NLRP14: variants seen among roughly 807,000 people sequenced by gnomAD.
The protein encoded by NLRP14 is NACHT, LRR and PYD domains-containing protein 14.
A neutral mutation model predicts 94.7 loss-of-function variants in NLRP14; 105 were observed. That is an observed-to-expected ratio of 1.11 (90% CI 0.95 to 1.30). The LOEUF (loss-of-function observed/expected upper bound fraction) is 1.30, where lower values mean the gene tolerates loss of function less well. Ranked by LOEUF, NLRP14 falls within the 50% of genes most tolerant of loss-of-function variation. The pLI, the probability that NLRP14 is intolerant of heterozygous loss-of-function variation, is 0.00. For synonymous variants in NLRP14, 508 were observed against 459.9 expected (o/e 1.10, Z -1.34); for missense variants, 1,362 against 1,254.1 (o/e 1.09, Z -1.30).
the NLRP14 span, among the ~76,000 whole-genome samples, chr11:7,079,690 T>A: frequency 2.0e-5 from 3 of 152,068 alleles, no homozygotes; most frequent in Non-Finnish European, 4.4e-5. Context: ...AGACAAAGGG[T>A]CTCTCAGCAA....
chr11:7,053,057 A>G (rs1041608647), intron 6 of NLRP14, among the ~76,000 whole-genome samples: 5 of 152,220 alleles, frequency 3.3e-5, no homozygotes, highest in Admixed American at 6.5e-5. Context: ...GGCTGAGACC[A>G]TAACTTTTTG....
At chr11:7,089,796 C>T in the NLRP14 span, 13 of 1,601,500 alleles carry the variant, frequency 8.1e-6, no homozygotes, top group South Asian at 2.2e-5. Context: ...CCGAGACTAC[C>T]GCGAACCCCG....
chr11:7,031,935 A>G (rs1852104192), intron 1 of NLRP14, among the ~76,000 whole-genome samples: 1 of 152,168 alleles, frequency 6.6e-6, no homozygotes, highest in Admixed American at 6.5e-5. Flanking sequence ...TCTCTAGCCT[A>G]TAGTGCTTTA....
At chr11:7,052,591 G>A (rs1313427854) in intron 6 of NLRP14, among the ~76,000 whole-genome samples, 3 of 152,060 alleles carry the variant, frequency 2.0e-5, no homozygotes, top group African/African-American at 4.8e-5. Context: ...CCAAGATGGC[G>A]CCACTGCACT....
chr11:7,033,125 C>A (rs190164747), intron 1 of NLRP14, among the ~76,000 whole-genome samples: 2 of 152,246 alleles, frequency 1.3e-5, no homozygotes, highest in African/African-American at 4.8e-5. Context: ...TTTCATTGTA[C>A]GAATTTACCA....
Position 7,062,459 on chromosome 11 carries a change from G to A in NLRP14, c.2931G>A (p.Leu977=), listed in dbSNP as rs758421727. Residue 977 remains leucine, a synonymous_variant, in exon 10 of 12, where the codon CTG becomes CTA. Coordinates refer to ENST00000299481, the MANE Select transcript of NLRP14 (RefSeq NM_176822.4). The stretch of plus-strand genomic sequence containing the variant: ...TGCAGGATGATGGAGTGAAAATTCT[G>A]TGTGATGCTTTGAGATATCCAAACT... The part of the protein sequence containing the change: ...NDLQDDGVKI[L]CDALRYPNCN... The A allele has an allele frequency of 1.2e-6, 2 of 1,613,200 alleles. No individual in the cohort carries two copies. The highest frequency in any genetic ancestry group is 1.7e-5 in the Admixed American group (1 of 59,950).
intron 1 of NLRP14, among the ~76,000 whole-genome samples, chr11:7,035,686 T>C (rs971602506): frequency 6.6e-6 from 1 of 152,190 alleles, no homozygotes; most frequent in Non-Finnish European, 1.5e-5. Flanking sequence ...CTTACCTCCC[T>C]GAGACCTCCA....
At chr11:7,083,822 G>A in the NLRP14 span, among the ~76,000 whole-genome samples, 1 of 152,116 alleles carries the variant, frequency 6.6e-6, no homozygotes, top group Non-Finnish European at 1.5e-5. Context: ...CTTCTGTTGG[G>A]TACCAATGTG....
chr11:7,023,192 C>T (rs867801935), intron 1 of NLRP14, among the ~76,000 whole-genome samples: 1 of 150,212 alleles, frequency 6.7e-6, no homozygotes, highest in African/African-American at 2.4e-5. Flanking sequence ...GGAAAGAATA[C>T]GAATACCTGA....
At chr11:7,029,043 A>T (rs1852054423) in intron 1 of NLRP14, among the ~76,000 whole-genome samples, 1 of 152,206 alleles carries the variant, frequency 6.6e-6, no homozygotes, top group Admixed American at 6.5e-5. Context: ...CATGAAGAAA[A>T]AATGTAAAAG....
At chr11:7,065,751 G>A (rs1199506690) in intron 10 of NLRP14, among the ~76,000 whole-genome samples, 1 of 151,894 alleles carries the variant, frequency 6.6e-6, no homozygotes, top group Non-Finnish European at 1.5e-5. Context: ...GGATACATGT[G>A]CAGAATGTGC....
rs889070902 is a variant in NLRP14, at chr11:7,071,372, C to T, written c.*64C>T. ...AATACATACATACATAGATATATAC[C>T]CAGACTTGGGTGCTTAGCTTCAGAT... On this transcript the variant is annotated 3_prime_UTR_variant, in exon 12 of 12. Coordinates refer to ENST00000299481, the MANE Select transcript of NLRP14 (RefSeq NM_176822.4). 1.6e-5 allele frequency: 23 copies of T among 1,403,912 alleles called. No individual in the cohort carries two copies. Among genetic ancestry groups the T allele is most frequent in the South Asian group, 2.4e-5 (2 of 82,360 alleles). 87.0% of individuals were successfully genotyped at this position (1,403,912 alleles called of 1,614,324 possible). A position where few individuals can be genotyped will look rare whatever the true frequency, so the allele number is the denominator to read the frequency against.
intron 5 of NLRP14, 117 bp downstream of exon 5, chr11:7,046,949 T>A: frequency 1.2e-6 from 1 of 821,476 alleles, no homozygotes; most frequent in Non-Finnish European, 2.1e-6. Flanking sequence ...ATCCATTTTG[T>A]AAAATAAACA....
chr11:7,026,613 C>G (rs550169161), intron 1 of NLRP14, among the ~76,000 whole-genome samples: 6 of 152,026 alleles, frequency 3.9e-5, no homozygotes, highest in Non-Finnish European at 8.8e-5. Context: ...CCTCAGGGAT[C>G]TAGAACTAGA....
In NLRP14 at chr11:7,057,847, C is replaced by T. The variant is rs201841419; in HGVS notation, c.2462C>T (p.Ser821Phe). Residue 821 changes from serine (S) to phenylalanine (F), a missense_variant and splice_region_variant, in exon 7 of 12, where the codon TCC becomes TTC. By Grantham distance (155) the Ser-to-Phe change is radical (BLOSUM62 -2). Transcript: ENST00000299481. The part of the protein sequence containing the change: ...RHPKCYLERL[S>F]LESCGLTEAG... ...CCAAAGTGTTATCTAGAGAGACTGT[C>T]GTGAGTGTTTCTGTTTTGTTTTCTG... 634 of 1,610,452 alleles carry T rather than the reference C, an allele frequency of 3.9e-4. 7 individuals carry two copies. The South Asian group carries it at 6.3e-3, about 16-fold the overall frequency.
chr11:7,068,186 G>C (rs1852735338), intron 10 of NLRP14, among the ~76,000 whole-genome samples: 1 of 151,894 alleles, frequency 6.6e-6, no homozygotes, highest in African/African-American at 2.4e-5. Context: ...ACACAACATT[G>C]ATCCACTCTG....
intron 1 of NLRP14, among the ~76,000 whole-genome samples, chr11:7,034,333 C>T (rs922860114): frequency 6.6e-6 from 1 of 151,914 alleles, no homozygotes; most frequent in African/African-American, 2.4e-5. Flanking sequence ...TTTTGCATAC[C>T]CCATTATTTT....
Position 7,058,302 on chromosome 11 carries a change from G to C in NLRP14, c.2485G>C (p.Glu829Gln). The C allele has an allele frequency of 6.2e-7, 1 of 1,612,610 alleles. No homozygotes were observed. The highest frequency in any genetic ancestry group is 1.1e-5 in the South Asian group (1 of 91,052). Residue 829 changes from glutamate (E) to glutamine (Q), a missense_variant, in exon 8 of 12, where the codon GAG becomes CAG. Transcript: ENST00000299481. Reference sequence around the variant, plus strand: ...CAGCTTAGAAAGCTGTGGTCTCACAGAGGCTGGCTGTGAGTATCTTTCTTT... The same window carrying C: ...CAGCTTAGAAAGCTGTGGTCTCACACAGGCTGGCTGTGAGTATCTTTCTTT... ...RLSLESCGLT[E>Q]AGCEYLSLAL...
chr11:7,035,155 T>G lies in NLRP14; in HGVS notation c.-21-3411T>G, dbSNP rs559435030. Reference sequence around the variant, plus strand: ...AAAAATCCAAAAATAAATAAATAAATAAATAAATAAATAAAATTAGCCAGG... The same window carrying G: ...AAAAATCCAAAAATAAATAAATAAAGAAATAAATAAATAAAATTAGCCAGG... On this transcript the variant is annotated intron_variant, in intron 1 of 11. Transcript: ENST00000299481. Among the ~76,000 whole-genome samples the G allele has an allele frequency of 6.2e-4, 94 of 151,760 alleles. 1 individual carries two copies. Among genetic ancestry groups the G allele is most frequent in the South Asian group, 1.5e-3 (7 of 4,784 alleles).
Sources: allele counts gnomAD v4.1 joint callset (sites outside exome capture counted in the v4.1 genomes callset), GRCh38; gene constraint gnomAD v4.1.1; transcripts MANE v1.5; gene names NCBI Gene and HGNC (gene_info 2026-07-23, HGNC 2026-07-21).